Variants in MIDEAS observed in about 807,000 individuals in gnomAD.
MIDEAS encodes the protein mitotic deacetylase associated SANT domain protein.
A neutral mutation model predicts 102.7 loss-of-function variants in MIDEAS; 26 were observed. That is an observed-to-expected ratio of 0.25 (90% confidence interval 0.19 to 0.35). The LOEUF is 0.35. Ranked by LOEUF, MIDEAS falls within the 10% of genes least tolerant of loss-of-function variation. The probability of loss-of-function intolerance (pLI) is 1.00; values close to 1 mark genes in which losing one functional copy is unlikely to be tolerated. For missense variants in MIDEAS, 1,231 were observed against 1,435.6 expected, an observed-to-expected ratio of 0.86 and a Z score of 2.30; for synonymous variants, 585 against 591.0, an observed-to-expected ratio of 0.99 and a Z score of 0.15.
rs756482441 is a variant in MIDEAS at position 73,739,813 on chromosome 14, G to A, written c.196C>T (p.Pro66Ser). 2.5e-6 allele frequency: 4 copies of A among 1,612,734 alleles called. No homozygotes were observed. In the Admixed American group the frequency reaches 5.0e-5, roughly 20 times the overall value. The change falls in exon 2 of 13, where the codon CCT becomes TCT. Residue 66 changes from proline (P) to serine (S), a missense_variant. Physicochemically the swap from Pro to Ser is moderately conservative, Grantham distance 74. Coordinates refer to ENST00000423556, the MANE Select transcript of MIDEAS (RefSeq NM_001367710.1). ...VSTSQPVELP[P>S]PSSLALLNSV... is the part of the protein sequence containing the mutation. ...TTCAGCAGGGCCAGGCTGCTAGGAG[G>A]GGGCAGTTCCACAGGCTGAGAGGTG...
upstream of MIDEAS, among the ~76,000 whole-genome samples, chr14:73,760,904 CT>C (rs1427073072): frequency 6.6e-6 from 1 of 152,210 alleles, no homozygotes; most frequent in Non-Finnish European, 1.5e-5. This position sits in a 1 kb window ranked among gnomAD's most constrained non-coding sequence, Gnocchi z 4.8. Flanking sequence ...AAATATCCCC[CT>C]GATCAATTCT....
chr14:73,733,838 G>A (rs2053168874), intron 3 of MIDEAS, among the ~76,000 whole-genome samples: 1 of 151,898 alleles, frequency 6.6e-6, no homozygotes, highest in Non-Finnish European at 1.5e-5. Context: ...GGGATTACAG[G>A]CACACACCAT....
rs1247397347 is a variant in MIDEAS, at chr14:73,715,193, T to C, written c.*3650A>G. 3.3e-5 allele frequency: 5 copies of C among 152,610 alleles called. No homozygotes were observed. Among genetic ancestry groups the C allele is most frequent in the Admixed American group, 3.3e-4 (5 of 15,276 alleles). 9.5% of individuals were successfully genotyped at this position (152,610 alleles called of 1,614,324 possible). A position where few individuals can be genotyped will look rare whatever the true frequency, so the allele number is the denominator to read the frequency against. Reference sequence around the variant, plus strand: ...AACATTCAAAAGTAAATAAGTTACATAGGTACATTACAATCACATCAGCAA... The same window carrying C: ...AACATTCAAAAGTAAATAAGTTACACAGGTACATTACAATCACATCAGCAA... On this transcript the variant is annotated 3_prime_UTR_variant, in exon 13 of 13. Transcript: ENST00000423556.
chr14:73,761,121 T>A (rs1477668080), upstream of MIDEAS, among the ~76,000 whole-genome samples: 1 of 151,940 alleles, frequency 6.6e-6, no homozygotes, highest in East Asian at 1.9e-4. Context: ...GCGGTGGCTG[T>A]TTTTCAAGGA....
Position 73,738,606 on chromosome 14 carries a change from G to T in MIDEAS, c.1403C>A (p.Thr468Asn). 6.2e-7 allele frequency: 1 copy of T among 1,608,626 alleles called. No individual in the cohort carries two copies. The highest frequency in any genetic ancestry group is 8.5e-7 in the Non-Finnish European group (1 of 1,177,078). ...RRASQEANLLTLAQKAVELAS... is the reference protein window; with the variant it reads ...RRASQEANLLNLAQKAVELAS... ...CAGCTCCACAGCCTTCTGGGCCAGGGTCAGCAAATTGGCCTCCTGGGATGC... is the reference window on the plus strand; with the variant it reads ...CAGCTCCACAGCCTTCTGGGCCAGGTTCAGCAAATTGGCCTCCTGGGATGC... The change falls in exon 2 of 13, where the codon ACC becomes AAC. Residue 468 changes from threonine to asparagine, a missense_variant. Physicochemically the swap from Thr to Asn is moderately conservative, Grantham distance 65 (BLOSUM62 0). Around this residue, in one of 5 missense-constraint regions of MIDEAS, gnomAD observed 758 missense variants for 856.0 expected, o/e 0.89. Coordinates refer to ENST00000423556, the MANE Select transcript of MIDEAS (RefSeq NM_001367710.1).
chr14:73,767,239 A>G (rs1023056898), intron 1 of MIDEAS, among the ~76,000 whole-genome samples: 1 of 152,172 alleles, frequency 6.6e-6, no homozygotes, highest in African/African-American at 2.4e-5. Context: ...TAGTATTATC[A>G]ATAACTATTG....
chr14:73,789,462 C>T (rs569132064), upstream of MIDEAS, among the ~76,000 whole-genome samples: 34 of 152,300 alleles, frequency 2.2e-4, no homozygotes, highest in African/African-American at 8.2e-4. Flanking sequence ...GAAGGGCCTC[C>T]CTCGGGCCCT....
chr14:73,731,513 TTTC>T (rs2053139680), intron 3 of MIDEAS, among the ~76,000 whole-genome samples: 1 of 152,020 alleles, frequency 6.6e-6, no homozygotes, highest in Non-Finnish European at 1.5e-5. Flanking sequence ...CCCCCCAAAC[TTTC>T]TTGACAAGAA....
rs954409640 is a variant in MIDEAS, at chr14:73,715,358, G to T, written c.*3485C>A. On this transcript the variant is annotated 3_prime_UTR_variant, in exon 13 of 13. Transcript: ENST00000423556. ...AATATGTAACAGTCTTTTTAAAAAA[G>T]GATGCCACAGGCAGCAAACACACAA... is the stretch of plus-strand genomic sequence containing the variant. 1 of 152,534 alleles carries T rather than the reference G, an allele frequency of 6.6e-6. No individual in the cohort carries two copies. Among genetic ancestry groups the T allele is most frequent in the Non-Finnish European group, 1.5e-5 (1 of 68,020 alleles). 9.4% of individuals were successfully genotyped at this position (152,534 alleles called of 1,614,324 possible).
chr14:73,734,015 C>T (rs1266478408), intron 3 of MIDEAS, among the ~76,000 whole-genome samples: 5 of 151,614 alleles, frequency 3.3e-5, no homozygotes, highest in Non-Finnish European at 7.4e-5. Context: ...GATGGAGTCT[C>T]GCTCTGTTGC....
Position 73,725,156 on chromosome 14 carries a change from C to G in MIDEAS, c.2574+116G>C, listed in dbSNP as rs1033906793. The G allele has an allele frequency of 3.4e-5, 26 of 760,978 alleles. No individual in the cohort carries two copies. The allele number at this position is 760,978 out of a possible 1,614,324, so 47.1% of individuals were successfully genotyped here. ...GTTTAGGAAATTCTCTCTGAGGCTACTCAGTAGCATTGACCTGACTGCTTT... is the reference window on the plus strand; with the variant it reads ...GTTTAGGAAATTCTCTCTGAGGCTAGTCAGTAGCATTGACCTGACTGCTTT... On this transcript the variant is annotated intron_variant, in intron 9 of 12. Coordinates refer to ENST00000423556, the MANE Select transcript of MIDEAS (RefSeq NM_001367710.1). The surrounding 1 kb of genome is among the most constrained non-coding windows in gnomAD (Gnocchi z 4.1).
chr14:73,738,506 C>T, intron 2 of MIDEAS, 54 bp downstream of exon 2: 2 of 1,451,656 alleles, frequency 1.4e-6, no homozygotes, highest in South Asian at 3.0e-5. Flanking sequence ...CAGCCGCCCA[C>T]CTATCAGCCT....
rs966559892 is a variant in MIDEAS at position 73,725,524 on chromosome 14, T to C, written c.2486-164A>G. Among the ~76,000 whole-genome samples, 7 of 152,214 alleles carry C rather than the reference T, an allele frequency of 4.6e-5. No homozygotes were observed. Among genetic ancestry groups the C allele is most frequent in the African/African-American group, 1.7e-4 (7 of 41,448 alleles). ...CATGTGCCTCACAGCCTCGCTCCCT[T>C]GCTTGTGAAATGGAAACTAATATCA... is the stretch of plus-strand genomic sequence containing the variant. On this transcript the variant is annotated intron_variant, in intron 8 of 12. Coordinates refer to ENST00000423556, the MANE Select transcript of MIDEAS (RefSeq NM_001367710.1). This position sits in a 1 kb window ranked among gnomAD's most constrained non-coding sequence, Gnocchi z 4.1.
chr14:73,735,274 A>G (rs1025331991), intron 3 of MIDEAS, among the ~76,000 whole-genome samples: 1 of 152,274 alleles, frequency 6.6e-6, no homozygotes, highest in Admixed American at 6.5e-5. Context: ...CCACAAAAAA[A>G]TAAGATTTGA....
At chr14:73,755,717 G>A (rs2053471555) in intron 1 of MIDEAS, among the ~76,000 whole-genome samples, 1 of 152,206 alleles carries the variant, frequency 6.6e-6, no homozygotes, top group African/African-American at 2.4e-5. Flanking sequence ...GTCTAGGGTG[G>A]AGTGGATCAA....
At chr14:73,783,146 G>T (rs2053771347) in intron 1 of MIDEAS, among the ~76,000 whole-genome samples, 1 of 152,158 alleles carries the variant, frequency 6.6e-6, no homozygotes, top group Admixed American at 6.5e-5. Context: ...CTGAACAGGG[G>T]ATATGATCAA....
At chr14:73,720,507 A>G (rs1240270208) in intron 11 of MIDEAS, among the ~76,000 whole-genome samples, 1 of 152,068 alleles carries the variant, frequency 6.6e-6, no homozygotes, top group Non-Finnish European at 1.5e-5. Context: ...TTGGCCTCCC[A>G]AAGTGCTGGG....
At chr14:73,757,283 A>AAAAAAAAAAAAAAAAC (rs1595286021) in intron 1 of MIDEAS, among the ~76,000 whole-genome samples, 1 of 149,568 alleles carries the variant, frequency 6.7e-6, no homozygotes, top group Non-Finnish European at 1.5e-5. Context: ...AACAACCAAA[A>AAAAAAAAAAAAAAAAC]AAAAAAAAAA....
At chr14:73,758,226 C>A (rs973563136) in intron 1 of MIDEAS, among the ~76,000 whole-genome samples, 1 of 152,218 alleles carries the variant, frequency 6.6e-6, no homozygotes, top group Non-Finnish European at 1.5e-5. Flanking sequence ...GGAAGACCTA[C>A]GAATTCTCAA....
Sources: gnomAD v4.1 joint callset for allele counts (sites outside exome capture counted in the v4.1 genomes callset) on GRCh38, gnomAD v4.1.1 for gene constraint, gnomAD v4.1.1 regional missense constraint, Gnocchi (gnomAD v3.1) non-coding constraint, MANE v1.5 for transcripts, NCBI Gene and HGNC (gene_info 2026-07-23, HGNC 2026-07-21) for gene names.